The following ARL6IP5 variants were observed in gnomAD, a reference collection of about 807,000 sequenced individuals.
The protein encoded by ARL6IP5 is PRA1 family protein 3.
Under a neutral mutation model 13.0 loss-of-function variants are expected in ARL6IP5, and 6 were observed. That is an observed-to-expected ratio of 0.46 (90% CI 0.25 to 0.91). The LOEUF is 0.91. Ranked by LOEUF, ARL6IP5 falls within the 40% of genes least tolerant of loss-of-function variation. The pLI, the probability that ARL6IP5 is intolerant of heterozygous loss-of-function variation, is 0.17. For synonymous variants in ARL6IP5, 91 were observed against 91.9 expected (o/e 0.99, Z 0.06); for missense variants, 208 against 248.8 (o/e 0.84, Z 1.10).
rs542348783 is a variant in ARL6IP5 at position 69,087,349 on chromosome 3, T to C, written c.176+2126T>C. 5.1e-4 allele frequency among the ~76,000 whole-genome samples: 78 copies of C among 152,356 alleles called. 1 individual carries two copies. The highest frequency in any genetic ancestry group is 1.9e-3 in the African/African-American group (77 of 41,586). ...AAACAAAATAAGTAGTAAATAGGTT[T>C]GCATCAATTTTTGTTTTTTTCTTTC... On this transcript the variant is annotated intron_variant, in intron 1 of 2. Coordinates refer to ENST00000273258, the MANE Select transcript of ARL6IP5 (RefSeq NM_006407.4).
intron 1 of ARL6IP5, among the ~76,000 whole-genome samples, chr3:69,086,165 C>T (rs1050914830): frequency 6.6e-6 from 1 of 152,334 alleles, no homozygotes. Context: ...AGGGAAGAAG[C>T]AGCAAGCTGG....
intron 1 of ARL6IP5, among the ~76,000 whole-genome samples, chr3:69,086,162 A>C (rs1270714115): frequency 6.6e-6 from 1 of 152,218 alleles, no homozygotes; most frequent in Non-Finnish European, 1.5e-5. Context: ...TAGAGGGAAG[A>C]AGCAGCAAGC....
chr3:69,100,865 GTGGAC>G, intron 1 of ARL6IP5, among the ~76,000 whole-genome samples: 1 of 152,152 alleles, frequency 6.6e-6, no homozygotes, highest in East Asian at 1.9e-4. Flanking sequence ...AGAGAGCAGT[GTGGAC>G]TGGAGCTCAA....
At chr3:69,090,403 T>C (rs1230184926) in intron 1 of ARL6IP5, among the ~76,000 whole-genome samples, 1 of 152,198 alleles carries the variant, frequency 6.6e-6, no homozygotes, top group Non-Finnish European at 1.5e-5. Flanking sequence ...ATAGGACAGC[T>C]GTGATTCCTG....
chr3:69,097,975 G>A (rs140931106), intron 1 of ARL6IP5, among the ~76,000 whole-genome samples: 1 of 152,306 alleles, frequency 6.6e-6, no homozygotes, highest in African/African-American at 2.4e-5. Flanking sequence ...GCCAAGCGGC[G>A]GTTGTGGGTT....
intron 1 of ARL6IP5, among the ~76,000 whole-genome samples, chr3:69,101,297 G>A (rs1057212554): frequency 6.7e-6 from 1 of 148,950 alleles, no homozygotes; most frequent in Admixed American, 6.6e-5. Context: ...GAACTGCCTG[G>A]GTGTGATCTC....
chr3:69,090,481 T>C (rs1007157940), intron 1 of ARL6IP5, among the ~76,000 whole-genome samples: 9 of 152,202 alleles, frequency 5.9e-5, no homozygotes, highest in Admixed American at 3.3e-4. Flanking sequence ...GTATAGCAAG[T>C]GTACAGAAAT....
intron 1 of ARL6IP5, among the ~76,000 whole-genome samples, chr3:69,091,974 T>C (rs2092268845): frequency 6.6e-6 from 1 of 152,032 alleles, no homozygotes; most frequent in Non-Finnish European, 1.5e-5. Context: ...TCCTTATCAC[T>C]CAGCTTCAGA....
chr3:69,100,848 A>G (rs2092303061), intron 1 of ARL6IP5, among the ~76,000 whole-genome samples: 1 of 151,828 alleles, frequency 6.6e-6, no homozygotes. Flanking sequence ...TGTGTCCATG[A>G]TGCAGTAGAG....
chr3:69,091,294 T>C (rs2092265146), intron 1 of ARL6IP5, among the ~76,000 whole-genome samples: 1 of 152,116 alleles, frequency 6.6e-6, no homozygotes, highest in Non-Finnish European at 1.5e-5. Context: ...TGTATATACA[T>C]ACATATATAT....
chr3:69,090,828 C>A (rs2092262949), intron 1 of ARL6IP5, among the ~76,000 whole-genome samples: 1 of 152,210 alleles, frequency 6.6e-6, no homozygotes, highest in Non-Finnish European at 1.5e-5. Flanking sequence ...CTGTCTTCCT[C>A]TGATGGCTTA....
In ARL6IP5 at chr3:69,084,945, G is replaced by C. The variant is rs1174511641; in HGVS notation, c.-103G>C. ...TCTGCTGTCTGCCAACCGCAAAGCCGACCGAGACGGAGCCGCTGTCAACTC... is the reference window on the plus strand; with the variant it reads ...TCTGCTGTCTGCCAACCGCAAAGCCCACCGAGACGGAGCCGCTGTCAACTC... On this transcript the variant is annotated 5_prime_UTR_variant, in exon 1 of 3. Transcript: ENST00000273258. 2 of 1,451,700 alleles carry C rather than the reference G, an allele frequency of 1.4e-6. No individual in the cohort carries two copies. The highest frequency in any genetic ancestry group is 4.4e-5 in the Admixed American group (2 of 45,454). 89.9% of individuals were successfully genotyped at this position (1,451,700 alleles called of 1,614,324 possible).
At chr3:69,099,238 G>A (rs1473208930) in intron 1 of ARL6IP5, among the ~76,000 whole-genome samples, 1 of 152,006 alleles carries the variant, frequency 6.6e-6, no homozygotes, top group East Asian at 1.9e-4. Context: ...GGGCATGTTG[G>A]CGGGTGCCTG....
intron 1 of ARL6IP5, among the ~76,000 whole-genome samples, chr3:69,094,949 G>A (rs1325001679): frequency 6.6e-6 from 1 of 152,120 alleles, no homozygotes; most frequent in Non-Finnish European, 1.5e-5. Context: ...ATCACGTTGG[G>A]AAGTTTAGGA....
intron 1 of ARL6IP5, 43 bp from the exon 2 acceptor site, chr3:69,101,796 T>C: frequency 6.6e-7 from 1 of 1,522,706 alleles, no homozygotes; most frequent in Non-Finnish European, 9.0e-7. Flanking sequence ...CTACTTCTAT[T>C]GCTGAACTAG....
At chr3:69,089,720 G>A in intron 1 of ARL6IP5, 1 of 442,816 alleles carries the variant, frequency 2.3e-6, no homozygotes, top group Admixed American at 2.4e-5. Context: ...ACCACACACA[G>A]AATTTGCAAC....
chr3:69,093,290 A>G (rs2092275342), intron 1 of ARL6IP5, among the ~76,000 whole-genome samples: 1 of 152,222 alleles, frequency 6.6e-6, no homozygotes. Context: ...TATTTAGGGA[A>G]TGGCAAGAAT....
In ARL6IP5 at chr3:69,099,327, C is replaced by T. The variant is rs191986120; in HGVS notation, c.177-2512C>T. Among the ~76,000 whole-genome samples the T allele has an allele frequency of 1.0e-3, 157 of 152,152 alleles. 4 individuals are homozygous for T. The highest frequency in any genetic ancestry group is 0.01 in the Admixed American group (155 of 15,272). On this transcript the variant is annotated intron_variant, in intron 1 of 2. Coordinates refer to ENST00000273258, the MANE Select transcript of ARL6IP5 (RefSeq NM_006407.4). ...CAGAGGTTGCAGTGAGCCGAGATCG[C>T]GCCATTGTACTCCAGCCTGGGCAAT...
intron 1 of ARL6IP5, among the ~76,000 whole-genome samples, chr3:69,093,302 C>T (rs995366204): frequency 1.3e-5 from 2 of 152,124 alleles, no homozygotes; most frequent in Non-Finnish European, 2.9e-5. Context: ...GGCAAGAATA[C>T]AATAAATCCT....
Sources: gnomAD v4.1 joint callset for allele counts (sites outside exome capture counted in the v4.1 genomes callset) on GRCh38, gnomAD v4.1.1 for gene constraint, MANE v1.5 for transcripts, NCBI Gene and HGNC (gene_info 2026-07-23, HGNC 2026-07-21) for gene names.